RNF180: variants seen among roughly 807,000 people sequenced by gnomAD.
RNF180 encodes the protein E3 ubiquitin-protein ligase RNF180.
In RNF180, 38 loss-of-function variants were observed where a neutral mutation model predicts 59.2. The ratio of observed to expected loss-of-function variants is 0.64; its 90% CI spans 0.50 to 0.84. The LOEUF (loss-of-function observed/expected upper bound fraction) is 0.84. Among genes scored for constraint, RNF180 ranks in the 40% least tolerant of loss-of-function variants. The pLI is 0.00. For missense variants in RNF180, 705 were observed against 700.9 expected (o/e 1.01, Z -0.07); for synonymous variants, 262 against 240.3 (o/e 1.09, Z -0.84).
At chr5:64,361,675 GA>G (rs971707842) in intron 7 of RNF180, among the ~76,000 whole-genome samples, 2 of 151,606 alleles carry the variant, frequency 1.3e-5, no homozygotes, top group East Asian at 3.9e-4. Flanking sequence ...GGTACTCTTT[GA>G]ACCATGTCTT....
intron 2 of RNF180, among the ~76,000 whole-genome samples, chr5:64,201,396 C>T (rs1751738209): frequency 6.6e-6 from 1 of 151,886 alleles, no homozygotes; most frequent in South Asian, 2.1e-4. Context: ...ATAGGAAAAC[C>T]TGAATAATAT....
At chr5:64,245,350 C>G (rs945587381) in intron 5 of RNF180, among the ~76,000 whole-genome samples, 3 of 152,182 alleles carry the variant, frequency 2.0e-5, no homozygotes, top group African/African-American at 7.2e-5. Flanking sequence ...CTAGACCCAT[C>G]AGTGTGCTGT....
chr5:64,367,296 AAG>A (rs1746488062), intron 7 of RNF180, among the ~76,000 whole-genome samples: 1 of 151,644 alleles, frequency 6.6e-6, no homozygotes, highest in African/African-American at 2.4e-5. Context: ...ACAAACATAC[AAG>A]AGAAAAAATA....
At chr5:64,260,051 C>T (rs541656031) in intron 5 of RNF180, among the ~76,000 whole-genome samples, 2 of 152,278 alleles carry the variant, frequency 1.3e-5, no homozygotes, top group South Asian at 4.1e-4. Context: ...TTCTTATTGA[C>T]TTTATACATA....
chr5:64,282,984 G>A (rs1291177975), intron 5 of RNF180, among the ~76,000 whole-genome samples: 1 of 152,076 alleles, frequency 6.6e-6, no homozygotes, highest in Non-Finnish European at 1.5e-5. Context: ...TGTTGTTTTG[G>A]GGTGGAGAGT....
chr5:64,311,393 A>G (rs1743757740), intron 5 of RNF180, among the ~76,000 whole-genome samples: 1 of 151,990 alleles, frequency 6.6e-6, no homozygotes, highest in Non-Finnish European at 1.5e-5. Context: ...ACTAAAGTAT[A>G]GTACCCAATC....
chr5:64,178,348 C>G (rs1233217612), intron 1 of RNF180, among the ~76,000 whole-genome samples: 2 of 152,140 alleles, frequency 1.3e-5, no homozygotes, highest in African/African-American at 4.8e-5. Context: ...TTTCCATTGG[C>G]AGACAATATT....
rs181204672 is a variant in RNF180, at chr5:64,175,088, C to T, written c.-1+9135C>T. ...GTTCAAATGATTCTCCTGCCTCAGCCTTCCAAATAGCTGGGATTACAGGCA... is the reference window on the plus strand; with the variant it reads ...GTTCAAATGATTCTCCTGCCTCAGCTTTCCAAATAGCTGGGATTACAGGCA... On this transcript the variant is annotated intron_variant, in intron 1 of 7. Transcript: ENST00000389100. 3.3e-3 allele frequency among the ~76,000 whole-genome samples: 500 copies of T among 151,864 alleles called. 1 individual carries two copies. The highest frequency in any genetic ancestry group is 0.012 in the South Asian group (59 of 4,806).
At chr5:64,259,362 G>C (rs1360007778) in intron 5 of RNF180, among the ~76,000 whole-genome samples, 1 of 152,068 alleles carries the variant, frequency 6.6e-6, no homozygotes, top group Non-Finnish European at 1.5e-5. Flanking sequence ...TGATTTTTTG[G>C]AAGAGATCAG....
At chr5:64,217,616 G>T in intron 5 of RNF180, 1 of 620,874 alleles carries the variant, frequency 1.6e-6, no homozygotes, top group Non-Finnish European at 2.3e-6. Context: ...GAACATATGT[G>T]CTTATTTTAC....
chr5:64,217,309 A>G (rs1752681251), intron 4 of RNF180, 52 bp from the exon 5 acceptor site: 1 of 1,345,102 alleles, frequency 7.4e-7, no homozygotes, highest in African/African-American at 1.5e-5. Context: ...TAGAACTTTT[A>G]CAGACATTCA....
At chr5:64,217,668 G>A (rs555435743) in intron 5 of RNF180, 14 of 323,244 alleles carry the variant, frequency 4.3e-5, no homozygotes, top group Middle Eastern at 9.7e-4. Flanking sequence ...AAATCTTTTG[G>A]GCTGGTGTGG....
chr5:64,369,159 G>A (rs535903033), intron 7 of RNF180, among the ~76,000 whole-genome samples: 360 of 151,866 alleles, frequency 2.4e-3, no homozygotes, highest in African/African-American at 8.1e-3. Flanking sequence ...TGTCCTTTGT[G>A]GGGACATGGA....
chr5:64,186,298 C>A (rs1750871937), intron 1 of RNF180, among the ~76,000 whole-genome samples: 1 of 151,910 alleles, frequency 6.6e-6, no homozygotes, highest in Non-Finnish European at 1.5e-5. Flanking sequence ...CAGACAAATA[C>A]TTATTATCAA....
intron 5 of RNF180, among the ~76,000 whole-genome samples, chr5:64,323,328 C>T (rs899496776): frequency 6.6e-6 from 1 of 152,042 alleles, no homozygotes; most frequent in Non-Finnish European, 1.5e-5. Flanking sequence ...ATCACTTGAG[C>T]CCAGGAGTTC....
rs941580257 is a variant in RNF180 at position 64,371,076 on chromosome 5, C to T, written c.*1262C>T. 2.6e-5 allele frequency: 4 copies of T among 151,544 alleles called. No individual in the cohort carries two copies. Among genetic ancestry groups the T allele is most frequent in the African/African-American group, 9.7e-5 (4 of 41,346 alleles). 9.4% of individuals were successfully genotyped at this position (151,544 alleles called of 1,614,324 possible). A position where few individuals can be genotyped will look rare whatever the true frequency, so the allele number is the denominator to read the frequency against. ...AAGCTAATTGCTACTAACTGTATTT[C>T]AATAAAAGCACTTGACTGTTGGTAT... On this transcript the variant is annotated 3_prime_UTR_variant, in exon 8 of 8. Transcript: ENST00000389100.
intron 5 of RNF180, among the ~76,000 whole-genome samples, chr5:64,273,958 G>A (rs555003854): frequency 2.6e-5 from 4 of 152,076 alleles, no homozygotes; most frequent in African/African-American, 9.6e-5. Context: ...CACTAGAGTT[G>A]AGAACTGCCA....
intron 1 of RNF180, among the ~76,000 whole-genome samples, chr5:64,174,023 T>G (rs1268709195): frequency 6.6e-6 from 1 of 152,132 alleles, no homozygotes; most frequent in African/African-American, 2.4e-5. Flanking sequence ...CTGACATAAC[T>G]GTTTTAGGTT....
intron 5 of RNF180, among the ~76,000 whole-genome samples, chr5:64,266,006 A>T (rs2112334384): frequency 6.6e-6 from 1 of 152,242 alleles, no homozygotes. Context: ...TTCACTCATG[A>T]TTTGGCTCAC....
Sources: gnomAD v4.1 joint callset for allele counts (sites outside exome capture counted in the v4.1 genomes callset) on GRCh38, gnomAD v4.1.1 for gene constraint, MANE v1.5 for transcripts, NCBI Gene and HGNC (gene_info 2026-07-23, HGNC 2026-07-21) for gene names.